DTNB: variants seen among roughly 807,000 people sequenced by gnomAD.
DTNB encodes the protein dystrobrevin beta, also known as DTN-B.
Under a neutral mutation model 90.7 loss-of-function variants are expected in DTNB, and 63 were observed. The observed-to-expected ratio is 0.69, with a 90% CI of 0.57 to 0.86. The LOEUF is 0.86. Ranked by LOEUF, DTNB falls within the 40% of genes least tolerant of loss-of-function variation. The pLI, the probability that DTNB is intolerant of heterozygous loss-of-function variation, is 0.00. For synonymous variants in DTNB, 277 were observed against 286.7 expected, an observed-to-expected ratio of 0.97 and a Z score of 0.34; for missense variants, 744 against 807.1, an observed-to-expected ratio of 0.92 and a Z score of 0.95.
At chr2:25,486,632 CAAAAA>C (rs57903531) in intron 9 of DTNB, among the ~76,000 whole-genome samples, 2 of 92,346 alleles carry the variant, frequency 2.2e-5, no homozygotes, top group Admixed American at 1.2e-4. Context: ...GACCCTGTCT[CAAAAA>C]AAAAAAAAAA....
intron 6 of DTNB, among the ~76,000 whole-genome samples, chr2:25,589,120 C>T (rs1301682292): frequency 1.3e-5 from 2 of 152,142 alleles, no homozygotes; most frequent in South Asian, 2.1e-4. Flanking sequence ...TTGTCAAATG[C>T]AATCGGAGGA....
intron 5 of DTNB, 84 bp from the exon 6 acceptor site, chr2:25,596,324 CAAAAAGTATCATTA>C: frequency 3.0e-6 from 4 of 1,353,230 alleles, no homozygotes; most frequent in Middle Eastern, 2.3e-4. Context: ...GTATACCAAA[CAAAAAGTATCATTA>C]AAAAAGTATC....
At chr2:25,626,486 G>A (rs370888600) in intron 4 of DTNB, among the ~76,000 whole-genome samples, 3 of 152,030 alleles carry the variant, frequency 2.0e-5, no homozygotes, top group Admixed American at 1.3e-4. Flanking sequence ...GATTTCTGCC[G>A]GGCACAGTGG....
At chr2:25,394,530 A>G (rs1324311943) in intron 16 of DTNB, among the ~76,000 whole-genome samples, 1 of 152,158 alleles carries the variant, frequency 6.6e-6, no homozygotes, top group East Asian at 1.9e-4. Flanking sequence ...TACAAAGAAA[A>G]CAAATCAGCA....
intron 15 of DTNB, among the ~76,000 whole-genome samples, chr2:25,422,794 G>C (rs939475825): frequency 1.3e-5 from 2 of 152,122 alleles, no homozygotes; most frequent in Admixed American, 1.3e-4. Flanking sequence ...AGATTAAATA[G>C]GAAGTTTTTT....
At chr2:25,500,490 C>G (rs2070307751) in intron 9 of DTNB, among the ~76,000 whole-genome samples, 1 of 152,060 alleles carries the variant, frequency 6.6e-6, no homozygotes, top group Non-Finnish European at 1.5e-5. Flanking sequence ...ATTTCTGGAC[C>G]AAAAGAACCT....
At chr2:25,566,396 T>A (rs1392230936) in intron 8 of DTNB, among the ~76,000 whole-genome samples, 1 of 152,120 alleles carries the variant, frequency 6.6e-6, no homozygotes, top group Non-Finnish European at 1.5e-5. Context: ...ACACCTGGAG[T>A]AGACAGCCTG....
intron 9 of DTNB, among the ~76,000 whole-genome samples, chr2:25,526,395 A>ATATATATTTTTT: frequency 2.4e-3 from 119 of 49,820 alleles, no homozygotes; most frequent in East Asian, 4.6e-3. Context: ...ATATATATAT[A>ATATATATTTTTT]TTTTTTTTTT....
chr2:25,510,285 T>A (rs943583684), intron 9 of DTNB, among the ~76,000 whole-genome samples: 2 of 152,144 alleles, frequency 1.3e-5, no homozygotes, highest in African/African-American at 4.8e-5. Flanking sequence ...GTAATTTTTA[T>A]ATTCTTTTGT....
intron 5 of DTNB, among the ~76,000 whole-genome samples, chr2:25,600,201 G>A (rs1449231705): frequency 6.6e-6 from 1 of 152,246 alleles, no homozygotes; most frequent in East Asian, 1.9e-4. Flanking sequence ...ACACTGCCAG[G>A]TGCCTCAGTA....
chr2:25,449,208 TA>T (rs1455022147), intron 12 of DTNB, among the ~76,000 whole-genome samples: 1 of 152,244 alleles, frequency 6.6e-6, no homozygotes, highest in East Asian at 1.9e-4. Context: ...AATTCTATTG[TA>T]TGAATATAAC....
intron 9 of DTNB, among the ~76,000 whole-genome samples, chr2:25,517,337 ATATTCT>A (rs1235404151): frequency 2.6e-5 from 4 of 152,226 alleles, no homozygotes; most frequent in African/African-American, 9.6e-5. Flanking sequence ...GATGATGGAA[ATATTCT>A]TAAACAGGAT....
chr2:25,655,461 A>T (rs2081891276), intron 1 of DTNB, among the ~76,000 whole-genome samples: 1 of 152,210 alleles, frequency 6.6e-6, no homozygotes, highest in South Asian at 2.1e-4. Context: ...GATGAGATGT[A>T]CTGGCAAGAA....
At chr2:25,615,695 G>A (rs1230703799) in intron 4 of DTNB, among the ~76,000 whole-genome samples, 1 of 152,082 alleles carries the variant, frequency 6.6e-6, no homozygotes, top group Non-Finnish European at 1.5e-5. Context: ...AAATTACAAG[G>A]GTCTCAGGGG....
In DTNB at chr2:25,389,884, ATGTG is replaced by A. The variant is rs955976644; in HGVS notation, c.1576-1527_1576-1524del. ...TGTGTGTGTGTGTGTGTGTGTGTGT[ATGTG>A]TATTTTGAGAAGTTAAAAAAAATAC... On this transcript the variant is annotated intron_variant, in intron 16 of 20. Transcript: ENST00000406818. Among the ~76,000 whole-genome samples, 298 of 141,452 alleles carry A rather than the reference ATGTG, an allele frequency of 2.1e-3. 6 individuals carry two copies. The highest frequency in any genetic ancestry group is 0.011 in the Middle Eastern group (3 of 272). The allele number at this position is 141,452 out of a possible 152,430, so 92.8% of individuals were successfully genotyped here. A position where few individuals can be genotyped will look rare whatever the true frequency, so the allele number is the denominator to read the frequency against.
chr2:25,417,135 G>A (rs2048186508), intron 16 of DTNB, among the ~76,000 whole-genome samples: 1 of 152,202 alleles, frequency 6.6e-6, no homozygotes, highest in Non-Finnish European at 1.5e-5. Flanking sequence ...GGGGAAAGCT[G>A]AGGAAAAAAC....
At chr2:25,618,925 T>A (rs2071596522) in intron 4 of DTNB, among the ~76,000 whole-genome samples, 1 of 152,194 alleles carries the variant, frequency 6.6e-6, no homozygotes, top group Admixed American at 6.5e-5. Context: ...TGTGCCAAGC[T>A]AAGCAGACAA....
intron 8 of DTNB, among the ~76,000 whole-genome samples, chr2:25,533,676 G>T (rs2078716174): frequency 6.6e-6 from 1 of 152,224 alleles, no homozygotes; most frequent in Non-Finnish European, 1.5e-5. Flanking sequence ...GCTGCTCACA[G>T]TTGACTCAAA....
intron 20 of DTNB, among the ~76,000 whole-genome samples, chr2:25,378,677 G>A (rs2036603969): frequency 6.6e-6 from 1 of 152,204 alleles, no homozygotes; most frequent in South Asian, 2.1e-4. Context: ...CTGGAAAATG[G>A]GAATGACTAA....
Sources: gnomAD v4.1 joint callset for allele counts (sites outside exome capture counted in the v4.1 genomes callset) on GRCh38, gnomAD v4.1.1 for gene constraint, MANE v1.5 for transcripts, NCBI Gene and HGNC (gene_info 2026-07-23, HGNC 2026-07-21) for gene names.